The following ZNF623 variants were observed in gnomAD, a reference collection of about 807,000 sequenced individuals.
The protein encoded by ZNF623 is zinc finger protein 623.
A neutral mutation model predicts 24.0 loss-of-function variants in ZNF623; 16 were observed. The observed-to-expected ratio is 0.67, with a 90% CI of 0.45 to 1.01. The LOEUF is 1.01. Ranked by LOEUF, ZNF623 falls within the 50% of genes least tolerant of loss-of-function variation. ZNF623 has a pLI of 0.00. For synonymous variants in ZNF623, 224 were observed against 219.8 expected, an observed-to-expected ratio of 1.02 and a Z score of -0.17; for missense variants, 566 against 606.5, an observed-to-expected ratio of 0.93 and a Z score of 0.70.
chr8:143,636,864 C>T lies in ZNF623; in HGVS notation c.-96+719C>T, dbSNP rs925675880. The stretch of plus-strand genomic sequence containing the variant: ...GCTTCTGTCAAGGCTGTCTTGCTCC[C>T]TTCACACACAGGCTACGTCATGGTC... On this transcript the variant is annotated intron_variant, in intron 1 of 1. Coordinates refer to ENST00000526926, the MANE Select transcript of ZNF623 (RefSeq NM_001261843.2). Among the ~76,000 whole-genome samples, 6 of 152,230 alleles carry T rather than the reference C, an allele frequency of 3.9e-5. No individual in the cohort carries two copies. The East Asian group carries it at 5.8e-4, about 15-fold the overall frequency.
chr8:143,642,309 G>T (rs1815073869), intron 1 of ZNF623, among the ~76,000 whole-genome samples: 1 of 152,196 alleles, frequency 6.6e-6, no homozygotes, highest in African/African-American at 2.4e-5. Flanking sequence ...ATAGAATTGA[G>T]GACGGTTAGG....
intron 1 of ZNF623, among the ~76,000 whole-genome samples, chr8:143,646,716 A>G (rs183803228): frequency 3.3e-5 from 5 of 151,900 alleles, no homozygotes; most frequent in African/African-American, 1.2e-4. Context: ...CCAGGCTGGA[A>G]TGCAGTGGCA....
Position 143,650,652 on chromosome 8 carries a change from AAGGCCCTATG to A in ZNF623, c.663_672del (p.Arg221SerfsTer10), listed in dbSNP as rs1458306598. On this transcript the variant is annotated frameshift_variant, in exon 2 of 2. Coordinates refer to ENST00000526926, the MANE Select transcript of ZNF623 (RefSeq NM_001261843.2). LOFTEE classifies it high-confidence loss of function. The surrounding 1 kb of genome is among the most constrained non-coding windows in gnomAD (Gnocchi z 5.2). ...GCCATCAGAGGATTCACACGGGAGA[AAGGCCCTATG>A]AGTGCAATGAATGTGGGAAATCCTT... 6.2e-7 allele frequency: 1 copy of A among 1,613,068 alleles called. No individual in the cohort carries two copies. The highest frequency in any genetic ancestry group is 8.5e-7 in the Non-Finnish European group (1 of 1,179,744).
chr8:143,636,470 C>G (rs1219682679), intron 1 of ZNF623: 1 of 152,638 alleles, frequency 6.6e-6, no homozygotes, highest in African/African-American at 2.4e-5. Context: ...GGCCGGAGAG[C>G]CGCGGGCTTG....
chr8:143,638,623 A>G (rs1476065028), intron 1 of ZNF623, among the ~76,000 whole-genome samples: 2 of 151,678 alleles, frequency 1.3e-5, no homozygotes, highest in African/African-American at 4.8e-5. Flanking sequence ...CCATAATCCC[A>G]GCTACTTGGG....
In ZNF623 at chr8:143,652,896, C is replaced by G. The variant is rs191004578; in HGVS notation, c.*1413C>G. The G allele has an allele frequency of 1.8e-5, 3 of 167,206 alleles. No homozygotes were observed. The highest frequency in any genetic ancestry group is 3.9e-4 in the East Asian group (2 of 5,188). The allele number at this position is 167,206 out of a possible 1,614,324, so 10.4% of individuals were successfully genotyped here. On this transcript the variant is annotated 3_prime_UTR_variant, in exon 2 of 2. Coordinates refer to ENST00000526926, the MANE Select transcript of ZNF623 (RefSeq NM_001261843.2). ...GTTGGGAAAACAGATGAGCAACCCA[C>G]TACCCTGAAGTCATCCACCGTGTAG...
At chr8:143,638,115 G>A (rs999394388) in intron 1 of ZNF623, among the ~76,000 whole-genome samples, 5 of 152,070 alleles carry the variant, frequency 3.3e-5, no homozygotes, top group Admixed American at 1.3e-4. Context: ...TCTAGAGGCG[G>A]GCAGATCATG....
chr8:143,646,575 A>C (rs1480374022), intron 1 of ZNF623, among the ~76,000 whole-genome samples: 1 of 132,670 alleles, frequency 7.5e-6, no homozygotes, highest in Non-Finnish European at 1.6e-5. Flanking sequence ...GTGTGCATGC[A>C]TGTATATATC....
At chr8:143,647,469 C>A (rs7820149) in intron 1 of ZNF623, among the ~76,000 whole-genome samples, 22,796 of 152,184 alleles carry the variant, frequency 0.15, 1,944 homozygotes, top group African/African-American at 0.21. Context: ...GCCAGCCTTG[C>A]TGTTTTATAG....
Position 143,653,473 on chromosome 8 carries a change from G to A in ZNF623, c.*1990G>A, listed in dbSNP as rs1018927769. The A allele has an allele frequency of 1.8e-5, 3 of 166,944 alleles. No individual in the cohort carries two copies. Among genetic ancestry groups the A allele is most frequent in the Admixed American group, 1.3e-4 (2 of 15,258 alleles). The allele number at this position is 166,944 out of a possible 1,614,324, so 10.3% of individuals were successfully genotyped here. On this transcript the variant is annotated 3_prime_UTR_variant, in exon 2 of 2. Coordinates refer to ENST00000526926, the MANE Select transcript of ZNF623 (RefSeq NM_001261843.2). ...TAAAACGCCTATTTAAGTGTACAAG[G>A]TTTTGAAAAATCTATACACCTGTGT...
At chr8:143,644,761 C>G (rs1012100724) in intron 1 of ZNF623, among the ~76,000 whole-genome samples, 1 of 146,626 alleles carries the variant, frequency 6.8e-6, no homozygotes, top group East Asian at 2.1e-4. Context: ...ACCCAGGAGG[C>G]GGAGGTTGCA....
At chr8:143,647,895 G>A (rs1359534311) in intron 1 of ZNF623, among the ~76,000 whole-genome samples, 1 of 152,224 alleles carries the variant, frequency 6.6e-6, no homozygotes, top group Middle Eastern at 3.2e-3. Context: ...GCTGGGCATG[G>A]TTTTGAACAG....
chr8:143,636,061 G>C lies in ZNF623; in HGVS notation c.-180G>C, dbSNP rs954898103. On this transcript the variant is annotated 5_prime_UTR_variant, in exon 1 of 2. Transcript: ENST00000526926. Reference sequence around the variant, plus strand: ...GGCTGGCGGCGGTGCAGGCTTTGTCGGCTGATCTGTGGGGCCCGCGCCGGC... The same window carrying C: ...GGCTGGCGGCGGTGCAGGCTTTGTCCGCTGATCTGTGGGGCCCGCGCCGGC... 100 of 152,490 alleles carry C rather than the reference G, an allele frequency of 6.6e-4. No individual in the cohort carries two copies. Among genetic ancestry groups the C allele is most frequent in the African/African-American group, 2.3e-3 (96 of 41,586 alleles). 9.4% of individuals were successfully genotyped at this position (152,490 alleles called of 1,614,324 possible). A position where few individuals can be genotyped will look rare whatever the true frequency, so the allele number is the denominator to read the frequency against.
chr8:143,638,340 T>TAAA (rs11410447), intron 1 of ZNF623, among the ~76,000 whole-genome samples: 21 of 136,804 alleles, frequency 1.5e-4, no homozygotes, highest in Admixed American at 2.2e-4. Flanking sequence ...GATTCCGTCT[T>TAAA]AAAAAAAAAA....
At chr8:143,645,128 CA>C (rs34300464) in intron 1 of ZNF623, among the ~76,000 whole-genome samples, 39,076 of 123,560 alleles carry the variant, frequency 0.32, 7,347 homozygotes, top group African/African-American at 0.6. Context: ...AACTCCATCT[CA>C]AAAAAAAAAA....
At chr8:143,645,268 C>T (rs186214078) in intron 1 of ZNF623, among the ~76,000 whole-genome samples, 39 of 152,226 alleles carry the variant, frequency 2.6e-4, no homozygotes, top group African/African-American at 4.8e-4. Context: ...GGTGAAACCC[C>T]GTCTCTCCTA....
At chr8:143,638,599 G>C (rs569866920) in intron 1 of ZNF623, among the ~76,000 whole-genome samples, 2 of 151,478 alleles carry the variant, frequency 1.3e-5, no homozygotes, top group African/African-American at 2.4e-5. Context: ...TTAGCCGGGC[G>C]TGGTGGCAGG....
chr8:143,640,201 A>G (rs1380669028), intron 1 of ZNF623, among the ~76,000 whole-genome samples: 1 of 152,280 alleles, frequency 6.6e-6, no homozygotes, highest in African/African-American at 2.4e-5. Context: ...GTTACTATTC[A>G]GTATGCAATA....
intron 1 of ZNF623, among the ~76,000 whole-genome samples, chr8:143,640,906 A>G (rs1815033629): frequency 7.9e-6 from 1 of 127,084 alleles, no homozygotes; most frequent in Non-Finnish European, 1.6e-5. Flanking sequence ...GCACCACTCC[A>G]CTCTGCCTGG....
Sources: allele counts gnomAD v4.1 joint callset (sites outside exome capture counted in the v4.1 genomes callset), GRCh38; gene constraint gnomAD v4.1.1; non-coding constraint Gnocchi (gnomAD v3.1); transcripts MANE v1.5; gene names NCBI Gene and HGNC (gene_info 2026-07-23, HGNC 2026-07-21).